The following CXXC5 variants were observed in gnomAD, a reference collection of about 807,000 sequenced individuals.
The protein encoded by CXXC5 is CXXC-type zinc finger protein 5.
A neutral mutation model predicts 17.6 loss-of-function variants in CXXC5; 2 were observed. The ratio of observed to expected loss-of-function variants is 0.11; its 90% CI spans 0.05 to 0.36. The LOEUF (loss-of-function observed/expected upper bound fraction) is 0.36. CXXC5 is among the 10% of genes least tolerant of loss of function. The pLI is 1.00. For synonymous variants in CXXC5, 171 were observed against 193.0 expected (o/e 0.89, Z 0.94); for missense variants, 343 against 458.3 (o/e 0.75, Z 2.30).
chr5:139,655,694 C>T (rs375514385), intron 1 of CXXC5, among the ~76,000 whole-genome samples: 5 of 152,058 alleles, frequency 3.3e-5, no homozygotes, highest in Admixed American at 6.5e-5. Context: ...GAACAGAAAC[C>T]GCGGCAACTG....
chr5:139,661,701 C>T lies in CXXC5; in HGVS notation c.-161+12856C>T, dbSNP rs1162553579. Among the ~76,000 whole-genome samples the T allele has an allele frequency of 6.6e-6, 1 of 152,244 alleles. No homozygotes were observed. Among genetic ancestry groups the T allele is most frequent in the Non-Finnish European group, 1.5e-5 (1 of 68,046 alleles). ...GGGCCAGGGCACTGGCACACACAGG[C>T]GCAGCTGCTGTGGTCAGGGCTCTGT... On this transcript the variant is annotated intron_variant, in intron 1 of 2. Transcript: ENST00000302517. The surrounding 1 kb of genome is among the most constrained non-coding windows in gnomAD (Gnocchi z 4.7).
intron 1 of CXXC5, among the ~76,000 whole-genome samples, chr5:139,656,087 C>T (rs575111591): frequency 5.6e-4 from 86 of 152,364 alleles, no homozygotes; most frequent in Non-Finnish European, 1.0e-3. Flanking sequence ...CCTCCTCAGA[C>T]GTGCCCAGCC....
At chr5:139,669,942 C>T (rs1756358575) in intron 1 of CXXC5, among the ~76,000 whole-genome samples, 1 of 152,248 alleles carries the variant, frequency 6.6e-6, no homozygotes, top group Admixed American at 6.5e-5. Context: ...CTTCTGGCTC[C>T]CGCCTCATGG....
At chr5:139,647,640 T>C (rs1319573838), upstream of CXXC5, among the ~76,000 whole-genome samples, 1 of 152,150 alleles carries the variant, frequency 6.6e-6, no homozygotes, top group Admixed American at 6.5e-5. Flanking sequence ...GGGTTTTGAG[T>C]GCGTAGGCCA....
intron 1 of CXXC5, among the ~76,000 whole-genome samples, chr5:139,674,142 C>T (rs1452477909): frequency 1.3e-5 from 2 of 152,162 alleles, no homozygotes; most frequent in African/African-American, 2.4e-5. Context: ...GTGCCCTGTG[C>T]TCTCCGCCTG....
At chr5:139,662,264 A>G (rs910635925) in intron 1 of CXXC5, among the ~76,000 whole-genome samples, 1 of 151,962 alleles carries the variant, frequency 6.6e-6, no homozygotes, top group African/African-American at 2.4e-5. Flanking sequence ...TTCTTAGTCT[A>G]CAGCCCTGCA....
In CXXC5 at chr5:139,658,647, G is replaced by A. The variant is rs756019831; in HGVS notation, c.-161+9802G>A. Among the ~76,000 whole-genome samples the A allele has an allele frequency of 6.6e-6, 1 of 152,202 alleles. No individual in the cohort carries two copies. The highest frequency in any genetic ancestry group is 2.1e-4 in the South Asian group (1 of 4,832). On this transcript the variant is annotated intron_variant, in intron 1 of 2. Transcript: ENST00000302517. This position sits in a 1 kb window ranked among gnomAD's most constrained non-coding sequence, Gnocchi z 4.1. Reference sequence around the variant, plus strand: ...TGCCCACGCTTCCCGAGGCACCAGCGTGAGGAGGAAATGCAGGCTGTTGCT... The same window carrying A: ...TGCCCACGCTTCCCGAGGCACCAGCATGAGGAGGAAATGCAGGCTGTTGCT...
chr5:139,675,241 C>T (rs1274618211), intron 1 of CXXC5, among the ~76,000 whole-genome samples: 1 of 152,186 alleles, frequency 6.6e-6, no homozygotes, highest in African/African-American at 2.4e-5. Context: ...TGTGGGCCAC[C>T]TGTGTACATG....
chr5:139,649,017 G>C (rs904842294), intron 1 of CXXC5, 172 bp downstream of exon 1: 1 of 152,320 alleles, frequency 6.6e-6, no homozygotes, highest in African/African-American at 2.4e-5. Context: ...CAGGTGCGGA[G>C]AGCCGGGGAC....
At chr5:139,650,527 T>A (rs1191289990) in intron 1 of CXXC5, among the ~76,000 whole-genome samples, 1 of 152,172 alleles carries the variant, frequency 6.6e-6, no homozygotes, top group Non-Finnish European at 1.5e-5. Flanking sequence ...AGTTTTCCGC[T>A]GGGGCCGCCT....
At chr5:139,677,208 G>GCGCCCGCCGC (rs1296798109) in intron 1 of CXXC5, among the ~76,000 whole-genome samples, 7 of 152,002 alleles carry the variant, frequency 4.6e-5, no homozygotes, top group Non-Finnish European at 8.8e-5. Context: ...GATGATGGAT[G>GCGCCCGCCGC]CGCCCGCCGC....
At chr5:139,665,158 G>T (rs1420097406) in intron 1 of CXXC5, among the ~76,000 whole-genome samples, 1 of 152,110 alleles carries the variant, frequency 6.6e-6, no homozygotes, top group Non-Finnish European at 1.5e-5. Context: ...AGGGGGGAGT[G>T]CCAGCCAGCT....
In CXXC5 at chr5:139,658,429, G is replaced by A. The variant is rs886711090; in HGVS notation, c.-161+9584G>A. Among the ~76,000 whole-genome samples the A allele has an allele frequency of 6.6e-6, 1 of 152,182 alleles. No individual in the cohort carries two copies. The highest frequency in any genetic ancestry group is 2.4e-5 in the African/African-American group (1 of 41,450). On this transcript the variant is annotated intron_variant, in intron 1 of 2. Coordinates refer to ENST00000302517, the MANE Select transcript of CXXC5 (RefSeq NM_016463.9). The surrounding 1 kb of genome is among the most constrained non-coding windows in gnomAD (Gnocchi z 4.1). ...GCTCTAGGGGTCAGGCTGCCCTGAGGTCACAGGGCCTCTTGTCCTCAGGTG... is the reference window on the plus strand; with the variant it reads ...GCTCTAGGGGTCAGGCTGCCCTGAGATCACAGGGCCTCTTGTCCTCAGGTG...
rs931550092 is a variant in CXXC5, at chr5:139,648,672, C to T, written c.-334C>T. The T allele has an allele frequency of 2.0e-5, 3 of 151,684 alleles. No homozygotes were observed. The allele number at this position is 151,684 out of a possible 1,614,324, so 9.4% of individuals were successfully genotyped here. A position where few individuals can be genotyped will look rare whatever the true frequency, so the allele number is the denominator to read the frequency against. On this transcript the variant is annotated 5_prime_UTR_variant, in exon 1 of 3. Coordinates refer to ENST00000302517, the MANE Select transcript of CXXC5 (RefSeq NM_016463.9). Reference sequence around the variant, plus strand: ...GCTGCAGGCTCCCCCCCCTCCCCGCCTCGGGCCAGCCGCGGCGGCGCGACT... The same window carrying T: ...GCTGCAGGCTCCCCCCCCTCCCCGCTTCGGGCCAGCCGCGGCGGCGCGACT...
At chr5:139,665,883 C>T (rs961230451) in intron 1 of CXXC5, 1 of 152,268 alleles carries the variant, frequency 6.6e-6, no homozygotes, top group East Asian at 1.9e-4. Context: ...GTTGACCAGA[C>T]CTGCTGAGGA....
Position 139,668,797 on chromosome 5 carries a change from G to A in CXXC5, c.-160-11567G>A, listed in dbSNP as rs1376776582. The stretch of plus-strand genomic sequence containing the variant: ...GAGTCGGGAGGGGATGTTGAGCCCT[G>A]AGGTGTTGCACTGAGCACGGATCCA... On this transcript the variant is annotated intron_variant, in intron 1 of 2. Transcript: ENST00000302517. This position sits in a 1 kb window ranked among gnomAD's most constrained non-coding sequence, Gnocchi z 4.1. Among the ~76,000 whole-genome samples, 1 of 152,196 alleles carries A rather than the reference G, an allele frequency of 6.6e-6. No individual in the cohort carries two copies. The highest frequency in any genetic ancestry group is 2.4e-5 in the African/African-American group (1 of 41,448).
In CXXC5 at chr5:139,665,126, G is replaced by T. The variant is rs150457473; in HGVS notation, c.-160-15238G>T. On this transcript the variant is annotated intron_variant, in intron 1 of 2. Transcript: ENST00000302517. ...TCAGAGCACCCAGGCTGTCAAGGCC[G>T]CCAACTGCCTGCTGGGCGGGCAGGG... Among the ~76,000 whole-genome samples the T allele has an allele frequency of 5.1e-4, 78 of 152,348 alleles. 4 individuals carry two copies. In the South Asian group the frequency reaches 0.015, roughly 30 times the overall value.
At chr5:139,682,573 C>T (rs1229960041) in intron 2 of CXXC5, among the ~76,000 whole-genome samples, 2 of 152,220 alleles carry the variant, frequency 1.3e-5, no homozygotes, top group East Asian at 3.8e-4. Context: ...CATGCCACAG[C>T]CACCTGGCGC....
intron 1 of CXXC5, among the ~76,000 whole-genome samples, chr5:139,679,201 C>G (rs1240412570): frequency 1.3e-5 from 2 of 152,184 alleles, no homozygotes; most frequent in East Asian, 1.9e-4. Flanking sequence ...CCACCCAGGC[C>G]CTACTCTGCA....
Sources: allele counts gnomAD v4.1 joint callset (sites outside exome capture counted in the v4.1 genomes callset), GRCh38; gene constraint gnomAD v4.1.1; non-coding constraint Gnocchi (gnomAD v3.1); transcripts MANE v1.5; gene names NCBI Gene and HGNC (gene_info 2026-07-23, HGNC 2026-07-21).